Variants in GMEB2 observed in about 807,000 individuals in gnomAD.
The protein encoded by GMEB2 is glucocorticoid modulatory element-binding protein 2.
A neutral mutation model predicts 45.7 loss-of-function variants in GMEB2; 7 were observed. The ratio of observed to expected loss-of-function variants is 0.15; its 90% confidence interval spans 0.09 to 0.29. The LOEUF is 0.29. GMEB2 is among the 10% of genes least tolerant of loss of function. GMEB2 has a pLI of 1.00. For synonymous variants in GMEB2, 322 were observed against 323.6 expected, an observed-to-expected ratio of 1.00 and a Z score of 0.05; for missense variants, 582 against 739.2, an observed-to-expected ratio of 0.79 and a Z score of 2.47.
chr20:63,588,497 C>G lies in GMEB2; in HGVS notation c.*1592G>C, dbSNP rs191122764. ...GTACATCAAAAGATCAACATCACGC[C>G]GAAACCAGCTGACTGTGACAACAGC... On this transcript the variant is annotated 3_prime_UTR_variant, in exon 10 of 10. Coordinates refer to ENST00000370077, the MANE Select transcript of GMEB2 (RefSeq NM_012384.5). 8 of 369,672 alleles carry G rather than the reference C, an allele frequency of 2.2e-5. No homozygotes were observed. Among genetic ancestry groups the G allele is most frequent in the Non-Finnish European group, 2.9e-5 (6 of 207,890 alleles). The allele number at this position is 369,672 out of a possible 1,614,324, so 22.9% of individuals were successfully genotyped here. A position where few individuals can be genotyped will look rare whatever the true frequency, so the allele number is the denominator to read the frequency against.
intron 2 of GMEB2, among the ~76,000 whole-genome samples, chr20:63,605,526 T>TAAAAA (rs11306158): frequency 7.8e-6 from 1 of 128,356 alleles, no homozygotes; most frequent in African/African-American, 3.0e-5. Context: ...CCGTCAAAAT[T>TAAAAA]AAAAAAAAAA....
intron 1 of GMEB2, among the ~76,000 whole-genome samples, chr20:63,626,253 G>A (rs1159241951): frequency 6.7e-6 from 1 of 149,470 alleles, no homozygotes; most frequent in East Asian, 2.0e-4. Context: ...GCGTCCCTGC[G>A]AGTTGGGTGC....
Position 63,592,902 on chromosome 20 carries a change from C to A in GMEB2, c.691+109G>T, listed in dbSNP as rs1601004775. Reference sequence around the variant, plus strand: ...GGAACCAGGCCTTTCTCCACAAAGACCCTGCCGGCCCCACCTGGACTCCTG... The same window carrying A: ...GGAACCAGGCCTTTCTCCACAAAGAACCTGCCGGCCCCACCTGGACTCCTG... On this transcript the variant is annotated intron_variant, in intron 7 of 9. Transcript: ENST00000370077. The surrounding 1 kb of genome is among the most constrained non-coding windows in gnomAD (Gnocchi z 8.2). The A allele has an allele frequency of 6.5e-6, 5 of 773,230 alleles. No individual in the cohort carries two copies. The East Asian group carries it at 1.3e-4, about 21-fold the overall frequency. 47.9% of individuals were successfully genotyped at this position (773,230 alleles called of 1,614,324 possible). A position where few individuals can be genotyped will look rare whatever the true frequency, so the allele number is the denominator to read the frequency against.
At chr20:63,605,222 G>A (rs1440984202) in intron 2 of GMEB2, among the ~76,000 whole-genome samples, 10 of 150,298 alleles carry the variant, frequency 6.7e-5, no homozygotes, top group African/African-American at 9.8e-5. Context: ...CTGGGTGAGA[G>A]AGCGAGACTC....
At chr20:63,624,762 CAGTGGCCCG>C (rs1260157641) in intron 1 of GMEB2, among the ~76,000 whole-genome samples, 2 of 152,242 alleles carry the variant, frequency 1.3e-5, no homozygotes, top group Non-Finnish European at 2.9e-5. Flanking sequence ...GGTTGGACTG[CAGTGGCCCG>C]ATCTCGGCTC....
intron 1 of GMEB2, among the ~76,000 whole-genome samples, chr20:63,622,872 C>G (rs2146096371): frequency 6.6e-6 from 1 of 152,294 alleles, no homozygotes; most frequent in Non-Finnish European, 1.5e-5. Flanking sequence ...CTGGGTACCA[C>G]CCGCAGCAAA....
chr20:63,592,786 C>G lies in GMEB2; in HGVS notation c.692-116G>C. The G allele has an allele frequency of 1.1e-6, 1 of 917,628 alleles. No homozygotes were observed. Among genetic ancestry groups the G allele is most frequent in the Non-Finnish European group, 1.8e-6 (1 of 562,440 alleles). The allele number at this position is 917,628 out of a possible 1,614,324, so 56.8% of individuals were successfully genotyped here. A position where few individuals can be genotyped will look rare whatever the true frequency, so the allele number is the denominator to read the frequency against. ...GGACACCATGCCAGAGCCGGCAGCG[C>G]CTGGCACTGTGCTGGGCTTGCACTG... On this transcript the variant is annotated intron_variant, in intron 7 of 9. Transcript: ENST00000370077. The surrounding 1 kb of genome is among the most constrained non-coding windows in gnomAD (Gnocchi z 8.2).
intron 2 of GMEB2, among the ~76,000 whole-genome samples, chr20:63,615,107 C>A (rs948710552): frequency 9.2e-5 from 14 of 152,176 alleles, no homozygotes; most frequent in African/African-American, 3.4e-4. Context: ...GCTTTGTAGA[C>A]TGGAGCCTAG....
rs148054057 is a variant in GMEB2, at chr20:63,593,217, G to A, written c.620-135C>T. On this transcript the variant is annotated intron_variant, in intron 6 of 9. Coordinates refer to ENST00000370077, the MANE Select transcript of GMEB2 (RefSeq NM_012384.5). The surrounding 1 kb of genome is among the most constrained non-coding windows in gnomAD (Gnocchi z 4.7). Reference sequence around the variant, plus strand: ...CACAAAACTGACAAACACAGGATACGCACTAGTACAGCCAAAGTGTACCTG... The same window carrying A: ...CACAAAACTGACAAACACAGGATACACACTAGTACAGCCAAAGTGTACCTG... The A allele has an allele frequency of 1.9e-3, 1,231 of 639,998 alleles. 1 individual carries two copies. Among genetic ancestry groups the A allele is most frequent in the Non-Finnish European group, 2.8e-3 (976 of 345,062 alleles). The allele number at this position is 639,998 out of a possible 1,614,324, so 39.6% of individuals were successfully genotyped here.
intron 2 of GMEB2, among the ~76,000 whole-genome samples, chr20:63,611,529 T>G (rs1332685638): frequency 1.3e-5 from 2 of 151,740 alleles, no homozygotes; most frequent in Non-Finnish European, 2.9e-5. Flanking sequence ...AGAGATTTAC[T>G]TGAACCCGGG....
chr20:63,600,650 G>A (rs1053635025), intron 4 of GMEB2, among the ~76,000 whole-genome samples: 5 of 150,376 alleles, frequency 3.3e-5, no homozygotes, highest in East Asian at 3.9e-4. Context: ...CCCAGGAAGC[G>A]GAGGTTGCGG....
chr20:63,592,649 C>A lies in GMEB2; in HGVS notation c.713G>T (p.Arg238Leu). 6.2e-7 allele frequency: 1 copy of A among 1,613,286 alleles called. No individual in the cohort carries two copies. Among genetic ancestry groups the A allele is most frequent in the South Asian group, 1.1e-5 (1 of 91,066 alleles). The change falls in exon 8 of 10, where the codon CGG becomes CTG. Residue 238 changes from arginine to leucine, a missense_variant. By Grantham distance (102) the Arg-to-Leu change is moderately radical. This residue lies in a region of GMEB2 where 462 missense variants were observed against 586.7 expected (regional missense o/e 0.79). Transcript: ENST00000370077. This position sits in a 1 kb window ranked among gnomAD's most constrained non-coding sequence, Gnocchi z 8.2. ...AIGDDTFTFWRGLKDAGLLDE... is the reference protein window; with the variant it reads ...AIGDDTFTFWLGLKDAGLLDE... ...CAGCAGGCCGGCGTCCTTCAGCCCC[C>A]GCCAGAAGGTAAATGTGTCATCTGT...
chr20:63,626,900 G>T (rs2089679109), intron 1 of GMEB2, 56 bp downstream of exon 1: 6 of 147,040 alleles, frequency 4.1e-5, no homozygotes, highest in Admixed American at 4.1e-4. Flanking sequence ...GGCGGCGCGT[G>T]AGCGGAGCGA....
rs1461760777 is a variant in GMEB2, at chr20:63,588,542, AAAAC to A, written c.*1543_*1546del. On this transcript the variant is annotated 3_prime_UTR_variant, in exon 10 of 10. Coordinates refer to ENST00000370077, the MANE Select transcript of GMEB2 (RefSeq NM_012384.5). The stretch of plus-strand genomic sequence containing the variant: ...AACAGCAAACAAAAATGTAACAGAG[AAAAC>A]AAACAAGACACAGCCTCAGTAGCTT... The A allele has an allele frequency of 2.5e-5, 10 of 395,934 alleles. No individual in the cohort carries two copies. In the South Asian group the frequency reaches 5.7e-4, roughly 23 times the overall value. The allele number at this position is 395,934 out of a possible 1,614,324, so 24.5% of individuals were successfully genotyped here. A position where few individuals can be genotyped will look rare whatever the true frequency, so the allele number is the denominator to read the frequency against.
chr20:63,602,740 G>C (rs2083250544), intron 4 of GMEB2, among the ~76,000 whole-genome samples: 1 of 151,630 alleles, frequency 6.6e-6, no homozygotes, highest in Non-Finnish European at 1.5e-5. Flanking sequence ...CCTTGTCCAG[G>C]AGGGGCAGCC....
chr20:63,623,140 T>A (rs2089650186), intron 1 of GMEB2, among the ~76,000 whole-genome samples: 1 of 151,978 alleles, frequency 6.6e-6, no homozygotes, highest in Non-Finnish European at 1.5e-5. Flanking sequence ...CGAAAATGAG[T>A]GATGGAAGGA....
At position 63,593,481 on chromosome 20, in the gene GMEB2, C is replaced by T. The variant is rs987896119; in HGVS notation, c.620-399G>A. ...CCGAGAGCTCTGCGGCTGCGTCTGT[C>T]GCCCGTGGGGCTCGCCCTCACCTCG... is the stretch of plus-strand genomic sequence containing the variant. On this transcript the variant is annotated intron_variant, in intron 6 of 9. Coordinates refer to ENST00000370077, the MANE Select transcript of GMEB2 (RefSeq NM_012384.5). This position sits in a 1 kb window ranked among gnomAD's most constrained non-coding sequence, Gnocchi z 4.7. Among the ~76,000 whole-genome samples the T allele has an allele frequency of 1.3e-5, 2 of 151,876 alleles. No individual in the cohort carries two copies. Among genetic ancestry groups the T allele is most frequent in the African/African-American group, 4.8e-5 (2 of 41,304 alleles).
rs147144222 is a variant in GMEB2 at position 63,590,700 on chromosome 20, G to A, written c.982C>T (p.Arg328Cys). The A allele has an allele frequency of 3.5e-4, 532 of 1,523,332 alleles. No individual in the cohort carries two copies. The highest frequency in any genetic ancestry group is 4.6e-4 in the Non-Finnish European group (518 of 1,131,000). The allele number at this position is 1,523,332 out of a possible 1,614,324, so 94.4% of individuals were successfully genotyped here. The stretch of plus-strand genomic sequence containing the variant: ...TTGTGCTTCAGCTCCTTGGCTCGGC[G>A]ACGATGCTCATCACACTGCTGCTCC... ...ALEQQCDEHR[R>C]RAKELKHKSQ... Residue 328 changes from arginine (R) to cysteine (C), a missense_variant, in exon 10 of 10, where the codon CGC (arginine) becomes TGC (cysteine). Around this residue, in one of 3 missense-constraint regions of GMEB2, gnomAD observed 462 missense variants for 586.7 expected, o/e 0.79. Coordinates refer to ENST00000370077, the MANE Select transcript of GMEB2 (RefSeq NM_012384.5).
chr20:63,617,119 T>C (rs1446530871), intron 2 of GMEB2, among the ~76,000 whole-genome samples: 1 of 151,846 alleles, frequency 6.6e-6, no homozygotes, highest in Non-Finnish European at 1.5e-5. Flanking sequence ...GGACTACAGG[T>C]GCTTACCACC....
Sources: gnomAD v4.1 joint callset for allele counts (sites outside exome capture counted in the v4.1 genomes callset) on GRCh38, gnomAD v4.1.1 for gene constraint, gnomAD v4.1.1 regional missense constraint, Gnocchi (gnomAD v3.1) non-coding constraint, MANE v1.5 for transcripts, NCBI Gene and HGNC (gene_info 2026-07-23, HGNC 2026-07-21) for gene names.